GLI2: variants seen among roughly 807,000 people sequenced by gnomAD.
GLI2 encodes the protein GLI family zinc finger 2, also known as transcription activator GLI2.
In GLI2, 22 loss-of-function variants were observed where a neutral mutation model predicts 78.9. The ratio of observed to expected loss-of-function variants is 0.28; its 90% CI spans 0.20 to 0.40. The LOEUF is 0.40. Among genes scored for constraint, GLI2 ranks in the 10% least tolerant of loss-of-function variants. The probability of loss-of-function intolerance (pLI) is 1.00; values close to 1 mark genes in which losing one functional copy is unlikely to be tolerated. For synonymous variants in GLI2, 974 were observed against 963.7 expected, an observed-to-expected ratio of 1.01 and a Z score of -0.20; for missense variants, 2,097 against 2,213.2, an observed-to-expected ratio of 0.95 and a Z score of 1.05.
intron 2 of GLI2, among the ~76,000 whole-genome samples, chr2:120,908,292 G>A (rs1290531781): frequency 6.6e-6 from 1 of 152,226 alleles, no homozygotes; most frequent in African/African-American, 2.4e-5. Context: ...ACTGTCCAGA[G>A]CGTGGCATGG....
intron 3 of GLI2, among the ~76,000 whole-genome samples, chr2:120,939,949 T>C (rs1422819751): frequency 6.6e-6 from 1 of 152,230 alleles, no homozygotes; most frequent in Non-Finnish European, 1.5e-5. Context: ...TTGGAGGTGA[T>C]GGCCTCTACA....
chr2:120,884,015 C>G (rs1350003295), intron 2 of GLI2, among the ~76,000 whole-genome samples: 1 of 152,194 alleles, frequency 6.6e-6, no homozygotes, highest in Non-Finnish European at 1.5e-5. Context: ...CCTGCTCATA[C>G]TTTTGCATAG....
intron 2 of GLI2, among the ~76,000 whole-genome samples, chr2:120,920,052 G>T: frequency 6.6e-6 from 1 of 152,350 alleles, no homozygotes; most frequent in East Asian, 1.9e-4. Flanking sequence ...GGTCCAGGCC[G>T]GCCTGGTGCA....
At chr2:120,922,021 T>C (rs894777036) in intron 2 of GLI2, among the ~76,000 whole-genome samples, 6 of 152,198 alleles carry the variant, frequency 3.9e-5, no homozygotes, top group African/African-American at 1.4e-4. Flanking sequence ...GTGGATTTCC[T>C]CCTTAGCTTC....
intron 1 of GLI2, among the ~76,000 whole-genome samples, chr2:120,775,696 G>T (rs1280449964): frequency 1.3e-5 from 2 of 152,166 alleles, no homozygotes; most frequent in Admixed American, 6.5e-5. Flanking sequence ...GGAGCAGAGC[G>T]CTAGAGAGAG....
At chr2:120,826,713 A>G (rs1686080857) in intron 2 of GLI2, among the ~76,000 whole-genome samples, 1 of 152,210 alleles carries the variant, frequency 6.6e-6, no homozygotes, top group Non-Finnish European at 1.5e-5. Flanking sequence ...CTTTGAACCC[A>G]GGCCCATGGG....
At chr2:120,796,262 C>T (rs1351768790) in intron 1 of GLI2, among the ~76,000 whole-genome samples, 1 of 152,138 alleles carries the variant, frequency 6.6e-6, no homozygotes, top group Non-Finnish European at 1.5e-5. Flanking sequence ...GGTCTGTTGG[C>T]TCTGCCTTCA....
intron 2 of GLI2, among the ~76,000 whole-genome samples, chr2:120,864,488 GA>G (rs1688037177): frequency 6.6e-6 from 1 of 151,584 alleles, no homozygotes; most frequent in Non-Finnish European, 1.5e-5. Context: ...TTTTTTTTGA[GA>G]CGGAGTCTCG....
chr2:120,881,709 GGA>G (rs199901360), intron 2 of GLI2, among the ~76,000 whole-genome samples: 1 of 106,508 alleles, frequency 9.4e-6, no homozygotes, highest in Non-Finnish European at 2.0e-5. Context: ...AGGACAGTGG[GGA>G]GAGGGCAGGT....
Position 120,887,209 on chromosome 2 carries a change from C to T in GLI2, c.149-40152C>T, listed in dbSNP as rs78334144. 5.3e-4 allele frequency among the ~76,000 whole-genome samples: 81 copies of T among 152,306 alleles called. No homozygotes were observed. In the East Asian group the frequency reaches 0.012, roughly 23 times the overall value. Reference sequence around the variant, plus strand: ...ATGTCACAAGCCACAGAGCACCCCCCGCCCACAAGATCCCCCAGCCTGCTT... The same window carrying T: ...ATGTCACAAGCCACAGAGCACCCCCTGCCCACAAGATCCCCCAGCCTGCTT... On this transcript the variant is annotated intron_variant, in intron 2 of 13. Transcript: ENST00000361492.
At position 120,896,696 on chromosome 2, in the gene GLI2, T is replaced by TACACAC. The variant is rs70954513; in HGVS notation, c.149-30629_149-30624dup. Among the ~76,000 whole-genome samples, 751 of 128,884 alleles carry TACACAC rather than the reference T, an allele frequency of 5.8e-3. 6 individuals are homozygous for TACACAC. Among genetic ancestry groups the TACACAC allele is most frequent in the Non-Finnish European group, 7.0e-3 (415 of 59,042 alleles). The allele number at this position is 128,884 out of a possible 152,430, so 84.6% of individuals were successfully genotyped here. A position where few individuals can be genotyped will look rare whatever the true frequency, so the allele number is the denominator to read the frequency against. On this transcript the variant is annotated intron_variant, in intron 2 of 13. Transcript: ENST00000361492. ...CCCCCCACACACTCACACACACCCA[T>TACACAC]ACACACACACACACACACACACACA...
chr2:120,865,798 C>T (rs976308982), intron 2 of GLI2, among the ~76,000 whole-genome samples: 1 of 152,244 alleles, frequency 6.6e-6, no homozygotes, highest in Non-Finnish European at 1.5e-5. Flanking sequence ...ATAGTGCCAG[C>T]CAACGCCTGC....
At chr2:120,880,801 T>C (rs912783922) in intron 2 of GLI2, among the ~76,000 whole-genome samples, 2 of 152,232 alleles carry the variant, frequency 1.3e-5, no homozygotes, top group African/African-American at 2.4e-5. Flanking sequence ...AATTAAAATG[T>C]TGGTATGTGA....
Position 120,988,612 on chromosome 2 carries a change from C to T in GLI2, c.2647C>T (p.Pro883Ser). The T allele has an allele frequency of 6.8e-7, 1 of 1,469,142 alleles. No homozygotes were observed. Among genetic ancestry groups the T allele is most frequent in the South Asian group, 1.3e-5 (1 of 78,230 alleles). 91.0% of individuals were successfully genotyped at this position (1,469,142 alleles called of 1,614,324 possible). A position where few individuals can be genotyped will look rare whatever the true frequency, so the allele number is the denominator to read the frequency against. The change falls in exon 14 of 14, where the codon CCC becomes TCC. Residue 883 changes from proline (P) to serine (S), a missense_variant. This residue lies in a region of GLI2 where 1,290 missense variants were observed against 1,261.7 expected (regional missense o/e 1.02). Transcript: ENST00000361492. The stretch of plus-strand genomic sequence containing the variant: ...CAAGTACGCGGCAGCCACTGGCGGC[C>T]CCCCGCCCACTCCGCTGCCGGGCCT... ...RAKYAAATGG[P>S]PPTPLPGLER...
intron 2 of GLI2, among the ~76,000 whole-genome samples, chr2:120,885,201 G>T (rs376568294): frequency 6.6e-6 from 1 of 152,340 alleles, no homozygotes; most frequent in African/African-American, 2.4e-5. Context: ...GTCCTAGAGG[G>T]TGAACCTTTC....
chr2:120,959,175 C>T (rs1380604794), intron 5 of GLI2, among the ~76,000 whole-genome samples: 7 of 152,124 alleles, frequency 4.6e-5, no homozygotes, highest in African/African-American at 1.2e-4. Context: ...GCAGTGGGCG[C>T]GAGAGCTCCC....
chr2:120,964,605 T>A (rs1171354849), intron 5 of GLI2, among the ~76,000 whole-genome samples: 4 of 152,194 alleles, frequency 2.6e-5, no homozygotes, highest in Non-Finnish European at 4.4e-5. Context: ...CTCCCGGGTC[T>A]CCCGCTTTGC....
chr2:120,822,207 G>A (rs572337694), intron 2 of GLI2, among the ~76,000 whole-genome samples: 31 of 152,356 alleles, frequency 2.0e-4, no homozygotes, highest in South Asian at 1.0e-3. Context: ...TGTTATCAGC[G>A]AAGCACTGAA....
At chr2:120,780,026 G>A (rs1278212940) in intron 1 of GLI2, among the ~76,000 whole-genome samples, 1 of 152,076 alleles carries the variant, frequency 6.6e-6, no homozygotes, top group Admixed American at 6.5e-5. Context: ...TCACTGCATG[G>A]TGAAGGAATG....
Sources: gnomAD v4.1 joint callset for allele counts (sites outside exome capture counted in the v4.1 genomes callset) on GRCh38, gnomAD v4.1.1 for gene constraint, gnomAD v4.1.1 regional missense constraint, MANE v1.5 for transcripts, NCBI Gene and HGNC (gene_info 2026-07-23, HGNC 2026-07-21) for gene names.